The following ELMO1 variants were observed in gnomAD, a reference collection of about 807,000 sequenced individuals.
The protein encoded by ELMO1 is engulfment and cell motility protein 1.
A neutral mutation model predicts 98.9 loss-of-function variants in ELMO1; 26 were observed. That is an observed-to-expected ratio of 0.26 (90% CI 0.19 to 0.36). The LOEUF is 0.36. ELMO1 is among the 10% of genes least tolerant of loss of function. The probability of loss-of-function intolerance (pLI) is 1.00; values close to 1 mark genes in which losing one functional copy is unlikely to be tolerated. For synonymous variants in ELMO1, 346 were observed against 346.0 expected (o/e 1.00, Z 0.00); for missense variants, 627 against 935.2 (o/e 0.67, Z 4.30).
At chr7:37,174,845 T>C (rs1449185284) in intron 13 of ELMO1, among the ~76,000 whole-genome samples, 1 of 152,122 alleles carries the variant, frequency 6.6e-6, no homozygotes, top group Non-Finnish European at 1.5e-5. Flanking sequence ...TTAAATCACT[T>C]GTAAGCACTA....
At chr7:37,218,086 CT>C (rs574958682) in intron 10 of ELMO1, among the ~76,000 whole-genome samples, 3 of 152,300 alleles carry the variant, frequency 2.0e-5, no homozygotes, top group African/African-American at 7.2e-5. Flanking sequence ...GAAAGGCCCA[CT>C]GGTGGTGGTT....
chr7:37,053,241 A>T (rs1394422080), intron 15 of ELMO1, among the ~76,000 whole-genome samples: 1 of 151,578 alleles, frequency 6.6e-6, no homozygotes, highest in East Asian at 1.9e-4. Context: ...TTGGTTACAC[A>T]AGAGAAGTGC....
intron 16 of ELMO1, among the ~76,000 whole-genome samples, chr7:36,910,615 T>C (rs1007182669): frequency 2.6e-5 from 4 of 152,188 alleles, no homozygotes; most frequent in Admixed American, 6.5e-5. Flanking sequence ...CATCTGTGTG[T>C]CCTTGGGCAA....
At chr7:36,875,580 T>C (rs1558688) in intron 19 of ELMO1, among the ~76,000 whole-genome samples, 93,903 of 152,066 alleles carry the variant, frequency 0.62, 29,725 homozygotes, top group Non-Finnish European at 0.69. Context: ...GCTGTCACAA[T>C]CCCTTCAAGA....
At chr7:37,317,204 T>C (rs1799225415) in intron 2 of ELMO1, among the ~76,000 whole-genome samples, 3 of 152,202 alleles carry the variant, frequency 2.0e-5, no homozygotes, top group Non-Finnish European at 4.4e-5. Context: ...TGAACACCGT[T>C]TGTATAGTCC....
At chr7:37,010,822 G>A (rs1369955557) in intron 16 of ELMO1, among the ~76,000 whole-genome samples, 1 of 152,148 alleles carries the variant, frequency 6.6e-6, no homozygotes, top group African/African-American at 2.4e-5. Context: ...GTAAATACCT[G>A]ATATATTTTT....
intron 15 of ELMO1, among the ~76,000 whole-genome samples, chr7:37,030,674 TG>T (rs1424909030): frequency 1.3e-5 from 2 of 152,142 alleles, no homozygotes; most frequent in Admixed American, 1.3e-4. Flanking sequence ...CCTGGATAAT[TG>T]TTCTTCTTCC....
At chr7:37,026,560 A>C (rs939869283) in intron 15 of ELMO1, among the ~76,000 whole-genome samples, 3 of 152,162 alleles carry the variant, frequency 2.0e-5, no homozygotes, top group African/African-American at 7.2e-5. Context: ...ACACTCATCT[A>C]AACTTGAGCC....
At chr7:37,431,462 A>C (rs1804930128) in intron 1 of ELMO1, among the ~76,000 whole-genome samples, 1 of 152,228 alleles carries the variant, frequency 6.6e-6, no homozygotes, top group South Asian at 2.1e-4. Flanking sequence ...TTTCTACTTG[A>C]TGTGTATAAG....
intron 18 of ELMO1, among the ~76,000 whole-genome samples, chr7:36,882,670 T>C (rs561846773): frequency 1.9e-4 from 29 of 152,364 alleles, no homozygotes; most frequent in Non-Finnish European, 3.1e-4. Context: ...CTGCGGGGCC[T>C]TGGCCTAATT....
Position 37,096,672 on chromosome 7 carries a change from C to T in ELMO1, c.1247G>A (p.Ser416Asn). 6.2e-7 allele frequency: 1 copy of T among 1,614,160 alleles called. No homozygotes were observed. The highest frequency in any genetic ancestry group is 8.5e-7 in the Non-Finnish European group (1 of 1,180,002). Residue 416 changes from serine to asparagine, a missense_variant, in exon 15 of 22, where the codon AGT becomes AAT. Around this residue, in one of 3 missense-constraint regions of ELMO1, gnomAD observed 492 missense variants for 715.6 expected, o/e 0.69. Coordinates refer to ENST00000310758, the MANE Select transcript of ELMO1 (RefSeq NM_014800.11). ...EDKHECPFGR[S>N]SIELTKMLCE... ...TAGCATCTTGGTCAGCTCTATACTA[C>T]TGCGGCCAAAGGGACATTCATGCTT... is the stretch of plus-strand genomic sequence containing the variant.
intron 13 of ELMO1, among the ~76,000 whole-genome samples, chr7:37,201,903 A>C (rs1792320014): frequency 6.6e-6 from 1 of 152,202 alleles, no homozygotes; most frequent in African/African-American, 2.4e-5. Context: ...TCAAAGTGTC[A>C]AGGAGGCTGA....
chr7:36,968,117 C>A (rs1198217436), intron 16 of ELMO1, among the ~76,000 whole-genome samples: 1 of 152,088 alleles, frequency 6.6e-6, no homozygotes, highest in Non-Finnish European at 1.5e-5. Context: ...GCAGAGTCTT[C>A]CAGAATTATT....
At chr7:37,300,989 A>C (rs946147732) in intron 4 of ELMO1, among the ~76,000 whole-genome samples, 189 of 152,006 alleles carry the variant, frequency 1.2e-3, no homozygotes, top group Middle Eastern at 6.8e-3. Flanking sequence ...TTCCTGGTTT[A>C]GTCTTGGGAG....
chr7:36,931,137 T>C (rs1786003359), intron 16 of ELMO1, among the ~76,000 whole-genome samples: 1 of 152,224 alleles, frequency 6.6e-6, no homozygotes. Context: ...TGGATACAAA[T>C]GTGGAATAAA....
chr7:37,025,895 TTCTA>T (rs57497721), intron 15 of ELMO1, among the ~76,000 whole-genome samples: 15,141 of 142,870 alleles, frequency 0.11, 872 homozygotes, highest in Middle Eastern at 0.16. Context: ...ATATTATATA[TTCTA>T]TCTATCTATC....
At chr7:37,377,824 TA>T (rs1481831086) in intron 1 of ELMO1, among the ~76,000 whole-genome samples, 1 of 152,134 alleles carries the variant, frequency 6.6e-6, no homozygotes, top group African/African-American at 2.4e-5. Context: ...TCAGTTGCCA[TA>T]AGCATCAAAA....
chr7:36,875,502 G>C (rs535086134), intron 19 of ELMO1, among the ~76,000 whole-genome samples: 34 of 152,312 alleles, frequency 2.2e-4, no homozygotes, highest in African/African-American at 8.2e-4. Flanking sequence ...TGTTTTTGGA[G>C]CAGCTCTTTG....
intron 14 of ELMO1, among the ~76,000 whole-genome samples, chr7:37,101,802 C>T (rs1381850532): frequency 1.3e-5 from 2 of 151,880 alleles, no homozygotes; most frequent in African/African-American, 2.4e-5. Context: ...CTGTCTGGCT[C>T]TCTCTCCTAG....
Sources: allele counts gnomAD v4.1 joint callset (sites outside exome capture counted in the v4.1 genomes callset), GRCh38; gene constraint gnomAD v4.1.1; regional missense constraint gnomAD v4.1.1; transcripts MANE v1.5; gene names NCBI Gene and HGNC (gene_info 2026-07-23, HGNC 2026-07-21).